The following CPNE5 variants were observed in gnomAD, a reference collection of about 807,000 sequenced individuals.
CPNE5 encodes copine-5.
CPNE5 carries 42 observed loss-of-function variants against 81.1 expected under a neutral mutation model. That is an observed-to-expected ratio of 0.52 (90% CI 0.40 to 0.67). CPNE5 has a LOEUF of 0.67. CPNE5 is among the 30% of genes least tolerant of loss of function. The probability of loss-of-function intolerance (pLI) is 0.00; values close to 1 mark genes in which losing one functional copy is unlikely to be tolerated. For synonymous variants in CPNE5, 313 were observed against 321.5 expected, an observed-to-expected ratio of 0.97 and a Z score of 0.28; for missense variants, 612 against 815.5, an observed-to-expected ratio of 0.75 and a Z score of 3.04.
intron 3 of CPNE5, among the ~76,000 whole-genome samples, chr6:36,814,335 G>A (rs111943414): frequency 0.024 from 3,650 of 152,252 alleles, 159 homozygotes; most frequent in African/African-American, 0.083. Flanking sequence ...ATGCAAGATC[G>A]TAATTCAACA....
intron 1 of CPNE5, among the ~76,000 whole-genome samples, chr6:36,837,741 T>C (rs1158706481): frequency 6.6e-6 from 1 of 151,906 alleles, no homozygotes; most frequent in Non-Finnish European, 1.5e-5. Flanking sequence ...GAGTGAAATC[T>C]GGATGGGGAA....
chr6:36,783,051 G>A (rs1304330823), intron 8 of CPNE5, among the ~76,000 whole-genome samples: 8 of 152,160 alleles, frequency 5.3e-5, no homozygotes, highest in South Asian at 2.1e-4. Flanking sequence ...CTGGTCCACA[G>A]TGCCTCACAC....
chr6:36,758,322 A>G (rs914145115), intron 12 of CPNE5, among the ~76,000 whole-genome samples: 1 of 120,484 alleles, frequency 8.3e-6, no homozygotes, highest in Non-Finnish European at 2.0e-5. Flanking sequence ...TCTATGGCCC[A>G]GGCTGGAGTG....
In CPNE5 at chr6:36,745,034, C is replaced by T. The variant is rs763983371; in HGVS notation, c.1431+14G>A. The T allele has an allele frequency of 1.9e-5, 30 of 1,598,182 alleles. No individual in the cohort carries two copies. In the South Asian group the frequency reaches 3.1e-4, roughly 16 times the overall value. On this transcript the variant is annotated intron_variant, in intron 18 of 20. Transcript: ENST00000244751. ...TCCTCAAACCGCCTCCCCCACCGCA[C>T]ACTCCTTGCTTACGTTGACAATGGC...
At chr6:36,834,396 C>T (rs1230111967) in intron 1 of CPNE5, among the ~76,000 whole-genome samples, 1 of 151,752 alleles carries the variant, frequency 6.6e-6, no homozygotes, top group African/African-American at 2.4e-5. Context: ...TAGCTCATGC[C>T]TGCAATCCCG....
intron 12 of CPNE5, among the ~76,000 whole-genome samples, chr6:36,758,412 G>A (rs1765697147): frequency 7.4e-6 from 1 of 134,960 alleles, no homozygotes; most frequent in African/African-American, 3.5e-5. Flanking sequence ...ACCATGTCTG[G>A]CTATTTTTTT....
chr6:36,747,380 T>C (rs1036860431), intron 15 of CPNE5, among the ~76,000 whole-genome samples: 1 of 152,208 alleles, frequency 6.6e-6, no homozygotes, highest in Non-Finnish European at 1.5e-5. Flanking sequence ...TATGTGATCT[T>C]GGGTAAGTTC....
intron 15 of CPNE5, among the ~76,000 whole-genome samples, chr6:36,747,252 T>C (rs867611762): frequency 7.8e-6 from 1 of 127,662 alleles, no homozygotes. Flanking sequence ...TGGCTTGATT[T>C]CCCCCCCCAG....
intron 8 of CPNE5, among the ~76,000 whole-genome samples, chr6:36,786,394 C>T (rs1380315100): frequency 6.6e-6 from 1 of 152,188 alleles, no homozygotes; most frequent in African/African-American, 2.4e-5. Context: ...ACTGTAATAA[C>T]CATGTTGAGG....
Position 36,768,225 on chromosome 6 carries a change from C to CTTTTTTTTTTTTTTTTT in CPNE5, c.738-2866_738-2850dup, listed in dbSNP as rs10586762. Among the ~76,000 whole-genome samples, 146 of 60,486 alleles carry CTTTTTTTTTTTTTTTTT rather than the reference C, an allele frequency of 2.4e-3. 8 individuals are homozygous for CTTTTTTTTTTTTTTTTT. The highest frequency in any genetic ancestry group is 2.9e-3 in the East Asian group (5 of 1,716). 39.7% of individuals were successfully genotyped at this position (60,486 alleles called of 152,430 possible). ...GGCTTTGACTACTCTATTCACAGTT[C>CTTTTTTTTTTTTTTTTT]TTTTTTTTTTTTTTTTTTTTTTTTT... On this transcript the variant is annotated intron_variant, in intron 10 of 20. Transcript: ENST00000244751.
At chr6:36,794,706 C>A in intron 6 of CPNE5, 57 bp from the exon 7 acceptor site, 1 of 1,498,130 alleles carries the variant, frequency 6.7e-7, no homozygotes, top group South Asian at 1.2e-5. Context: ...CCCACCCAGA[C>A]AGGCCAGCGC....
chr6:36,775,799 G>A (rs1200137586), intron 9 of CPNE5, among the ~76,000 whole-genome samples: 3 of 151,818 alleles, frequency 2.0e-5, no homozygotes, highest in Admixed American at 1.3e-4. Context: ...TAAAATGTAA[G>A]TTTCATAAAA....
At chr6:36,791,946 G>C in intron 8 of CPNE5, 87 bp downstream of exon 8, 1 of 1,194,640 alleles carries the variant, frequency 8.4e-7, no homozygotes, top group Non-Finnish European at 1.2e-6. Flanking sequence ...TCTACCCTCG[G>C]TTCCCTCCAG....
At chr6:36,827,386 C>T (rs2150603146) in intron 1 of CPNE5, 4 of 985,410 alleles carry the variant, frequency 4.1e-6, no homozygotes, top group Non-Finnish European at 3.6e-6. Context: ...TTCTGGGGCT[C>T]ACCCCTGCCC....
intron 7 of CPNE5, 74 bp from the exon 8 acceptor site, chr6:36,792,170 G>T: frequency 7.0e-7 from 1 of 1,435,358 alleles, no homozygotes; most frequent in Non-Finnish European, 9.8e-7. Context: ...CCCTCAATCA[G>T]CCCCCTGCCC....
chr6:36,761,954 A>G (rs1230068897), intron 12 of CPNE5, among the ~76,000 whole-genome samples: 2 of 152,134 alleles, frequency 1.3e-5, no homozygotes, highest in African/African-American at 4.8e-5. Context: ...AGGGAATTGC[A>G]AAAGGGAGAG....
Position 36,758,903 on chromosome 6 carries a change from C to G in CPNE5, c.856-2605G>C, listed in dbSNP as rs75299911. On this transcript the variant is annotated intron_variant, in intron 12 of 20. Coordinates refer to ENST00000244751, the MANE Select transcript of CPNE5 (RefSeq NM_020939.2). ...CCCTCTTTAGCACTGGAGGACGCCC[C>G]CTCCACGGGGTTACCCAGATGGTGA... Among the ~76,000 whole-genome samples the G allele has an allele frequency of 3.0e-4, 45 of 152,294 alleles. No individual in the cohort carries two copies. The East Asian group carries it at 8.5e-3, about 29-fold the overall frequency.
In CPNE5 at chr6:36,765,343, C is replaced by T. The variant is rs759865789; in HGVS notation, c.771G>A (p.Arg257=). 2 of 1,614,124 alleles carry T rather than the reference C, an allele frequency of 1.2e-6. No homozygotes were observed. The highest frequency in any genetic ancestry group is 1.7e-5 in the Admixed American group (1 of 60,022). The stretch of plus-strand genomic sequence containing the variant: ...CCCTCCTGCCTGCTTACCTGCCGTC[C>T]CGATCCCAGTCGTACACCTCCACCT... ...TIKVEVYDWD[R]DGSHDFIGEF... Residue 257 remains arginine (R), a synonymous_variant, in exon 11 of 21, where the codon CGG becomes CGA. Transcript: ENST00000244751.
intron 14 of CPNE5, 85 bp downstream of exon 14, chr6:36,752,949 G>C: frequency 8.8e-7 from 1 of 1,141,916 alleles, no homozygotes; most frequent in Non-Finnish European, 1.3e-6. Flanking sequence ...GAAGAGGCCA[G>C]GGTGGGGCCA....
Sources: allele counts gnomAD v4.1 joint callset (sites outside exome capture counted in the v4.1 genomes callset), GRCh38; gene constraint gnomAD v4.1.1; transcripts MANE v1.5; gene names NCBI Gene and HGNC (gene_info 2026-07-23, HGNC 2026-07-21).